BAZ2B: variants seen among roughly 807,000 people sequenced by gnomAD.
BAZ2B encodes bromodomain adjacent to zinc finger domain 2B.
Under a neutral mutation model 246.0 loss-of-function variants are expected in BAZ2B, and 91 were observed. The ratio of observed to expected loss-of-function variants is 0.37; its 90% confidence interval spans 0.31 to 0.44. The LOEUF (loss-of-function observed/expected upper bound fraction) is 0.44, where lower values mean the gene tolerates loss of function less well. Among genes scored for constraint, BAZ2B ranks in the 20% least tolerant of loss-of-function variants. The pLI is 1.00. For missense variants in BAZ2B, 2,332 were observed against 2,533.7 expected (o/e 0.92, Z 1.71); for synonymous variants, 855 against 860.0 (o/e 0.99, Z 0.10).
At chr2:159,383,785 A>T in intron 23 of BAZ2B, 105 bp from the exon 24 acceptor site, 3 of 965,954 alleles carry the variant, frequency 3.1e-6, no homozygotes, top group Non-Finnish European at 4.7e-6. Flanking sequence ...ATTTTTGAAT[A>T]AGTAAAAATG....
chr2:159,356,103 A>T (rs2059083042), intron 27 of BAZ2B, among the ~76,000 whole-genome samples: 1 of 152,010 alleles, frequency 6.6e-6, no homozygotes, highest in Non-Finnish European at 1.5e-5. Flanking sequence ...GTTTTTTTTC[A>T]TACCCCAGTG....
At position 159,432,985 on chromosome 2, in the gene BAZ2B, T is replaced by C. The variant is rs1374443032; in HGVS notation, c.1672A>G (p.Ile558Val). The C allele has an allele frequency of 6.2e-7, 1 of 1,614,172 alleles. No individual in the cohort carries two copies. The highest frequency in any genetic ancestry group is 1.7e-5 in the Admixed American group (1 of 60,022). Reference protein sequence around the residue: ...QTPVMPSASPILHSQGKEKAV... With the variant: ...QTPVMPSASPVLHSQGKEKAV... ...TTTTCCTTCCCTTGACTATGCAGGA[T>C]GGGAGAGGCAGAGGGCATTACAGGT... The change falls in exon 9 of 37, where the codon ATC becomes GTC. Residue 558 changes from isoleucine to valine, a missense_variant. Ile to Val is a conservative substitution (Grantham distance 29, BLOSUM62 3). Around this residue, in one of 9 missense-constraint regions of BAZ2B, gnomAD observed 651 missense variants for 650.9 expected, o/e 1.00. Coordinates refer to ENST00000392783, the MANE Select transcript of BAZ2B (RefSeq NM_013450.4).
At chr2:159,490,688 A>AT (rs148348043) in intron 2 of BAZ2B, among the ~76,000 whole-genome samples, 28,901 of 149,890 alleles carry the variant, frequency 0.19, 3,575 homozygotes, top group South Asian at 0.31. Context: ...ACACCTGGCT[A>AT]TTTTTTTTTT....
intron 2 of BAZ2B, among the ~76,000 whole-genome samples, chr2:159,519,205 A>ATTTTTT (rs2083771094): frequency 5.3e-5 from 3 of 56,482 alleles, no homozygotes; most frequent in Admixed American, 2.1e-4. Context: ...TTCATATTCT[A>ATTTTTT]TTTTCTTTTT....
In BAZ2B at chr2:159,349,862, T is replaced by C; in HGVS notation, c.4709A>G (p.Asp1570Gly). 3 of 1,614,182 alleles carry C rather than the reference T, an allele frequency of 1.9e-6. No homozygotes were observed. Among genetic ancestry groups the C allele is most frequent in the Non-Finnish European group, 1.7e-6 (2 of 1,180,014 alleles). ...CATATCGGCATGAGTAAGTGAAGTGTCATCACAGGGTGTTCGTGGCAAAAG... is the reference window on the plus strand; with the variant it reads ...CATATCGGCATGAGTAAGTGAAGTGCCATCACAGGGTGTTCGTGGCAAAAG... ...FSLLPRTPCD[D>G]TSLTHADMST... The change falls in exon 28 of 37, where the codon GAC (aspartate) becomes GGC (glycine). Residue 1570 changes from aspartate to glycine, a missense_variant. Around this residue, in one of 9 missense-constraint regions of BAZ2B, gnomAD observed 676 missense variants for 668.6 expected, o/e 1.01. Transcript: ENST00000392783.
At chr2:159,385,940 G>A (rs1333197396) in intron 22 of BAZ2B, among the ~76,000 whole-genome samples, 1 of 152,148 alleles carries the variant, frequency 6.6e-6, no homozygotes, top group Non-Finnish European at 1.5e-5. Flanking sequence ...CCACTGAGCA[G>A]CACAGGGTCT....
At chr2:159,352,432 C>A (rs1005903567) in intron 27 of BAZ2B, among the ~76,000 whole-genome samples, 1 of 151,772 alleles carries the variant, frequency 6.6e-6, no homozygotes, top group African/African-American at 2.4e-5. Context: ...TTCCCTCCCA[C>A]GTACTAGAAT....
downstream of BAZ2B, chr2:159,318,964 A>G (rs565144911): frequency 6.6e-6 from 1 of 152,644 alleles, no homozygotes; most frequent in South Asian, 2.1e-4. Context: ...AGGTACATTA[A>G]GAAAAACTAA....
At chr2:159,511,437 C>T (rs1394181322) in intron 2 of BAZ2B, among the ~76,000 whole-genome samples, 1 of 152,276 alleles carries the variant, frequency 6.6e-6, no homozygotes, top group African/African-American at 2.4e-5. Context: ...AACTCCTGAA[C>T]TTAGGTGATC....
At chr2:159,576,702 G>A (rs181916326) in intron 1 of BAZ2B, among the ~76,000 whole-genome samples, 9,555 of 142,884 alleles carry the variant, frequency 0.067, 377 homozygotes, top group Non-Finnish European at 0.095. Context: ...TCACGAGGTC[G>A]GGAGTTCGAG....
At chr2:159,416,429 T>C (rs1023315796) in intron 13 of BAZ2B, among the ~76,000 whole-genome samples, 3 of 152,250 alleles carry the variant, frequency 2.0e-5, no homozygotes, top group African/African-American at 4.8e-5. Context: ...TTCATTTTTT[T>C]ATTATGTTCT....
At chr2:159,697,191 T>C in the BAZ2B span, among the ~76,000 whole-genome samples, 1 of 151,288 alleles carries the variant, frequency 6.6e-6, no homozygotes, top group East Asian at 1.9e-4. Flanking sequence ...AATCTTTTAA[T>C]AGTTTTGTAA....
At chr2:159,506,375 T>G (rs1175926242) in intron 2 of BAZ2B, among the ~76,000 whole-genome samples, 1 of 152,158 alleles carries the variant, frequency 6.6e-6, no homozygotes, top group African/African-American at 2.4e-5. Context: ...TGTAATATGC[T>G]GTATTACACT....
chr2:159,383,527 A>G, intron 24 of BAZ2B, 79 bp downstream of exon 24: 1 of 1,198,798 alleles, frequency 8.3e-7, no homozygotes, highest in Non-Finnish European at 1.2e-6. Flanking sequence ...TTTAAATTCT[A>G]TCTTTGCAAT....
chr2:159,455,763 GTTTTTTTT>G (rs60866580), intron 3 of BAZ2B, among the ~76,000 whole-genome samples: 4 of 64,608 alleles, frequency 6.2e-5, no homozygotes, highest in Non-Finnish European at 8.7e-5. Flanking sequence ...AAATATTGTG[GTTTTTTTT>G]TTTTTTTTTT....
At chr2:159,513,234 T>G (rs1319520642) in intron 2 of BAZ2B, among the ~76,000 whole-genome samples, 1 of 152,222 alleles carries the variant, frequency 6.6e-6, no homozygotes, top group African/African-American at 2.4e-5. Flanking sequence ...TTTTGTTCTT[T>G]GAAATATTTT....
Position 159,386,440 on chromosome 2 carries a change from T to C in BAZ2B, c.3384A>G (p.Ile1128Met), listed in dbSNP as rs1473289954. Reference protein sequence around the residue: ...LSVLQEGLLNIGDSMGEVQDL... With the variant: ...LSVLQEGLLNMGDSMGEVQDL... ...CTTGTACTTCACCCATGCTGTCCCCTATATTTAGCAATCCCTCTTGAAGAA... is the reference window on the plus strand; with the variant it reads ...CTTGTACTTCACCCATGCTGTCCCCCATATTTAGCAATCCCTCTTGAAGAA... The change falls in exon 22 of 37, where the codon ATA (isoleucine) becomes ATG (methionine). Residue 1128 changes from isoleucine to methionine, a missense_variant. Around this residue, in one of 9 missense-constraint regions of BAZ2B, gnomAD observed 328 missense variants for 410.4 expected, o/e 0.80. Coordinates refer to ENST00000392783, the MANE Select transcript of BAZ2B (RefSeq NM_013450.4). The C allele has an allele frequency of 6.2e-7, 1 of 1,613,702 alleles. No homozygotes were observed. The highest frequency in any genetic ancestry group is 8.5e-7 in the Non-Finnish European group (1 of 1,179,780).
At chr2:159,587,044 G>C (rs1035607511) in intron 1 of BAZ2B, among the ~76,000 whole-genome samples, 1 of 151,360 alleles carries the variant, frequency 6.6e-6, no homozygotes, top group African/African-American at 2.4e-5. Flanking sequence ...TGTAAAAATG[G>C]GAGAAAAAAG....
intron 27 of BAZ2B, among the ~76,000 whole-genome samples, chr2:159,364,035 C>G (rs1014939585): frequency 6.6e-6 from 1 of 152,170 alleles, no homozygotes; most frequent in African/African-American, 2.4e-5. Context: ...TGAGTCAACT[C>G]TAGAAGCCAA....
Sources: allele counts gnomAD v4.1 joint callset (sites outside exome capture counted in the v4.1 genomes callset), GRCh38; gene constraint gnomAD v4.1.1; regional missense constraint gnomAD v4.1.1; transcripts MANE v1.5; gene names NCBI Gene and HGNC (gene_info 2026-07-23, HGNC 2026-07-21).